The following ULK4 variants were observed in gnomAD, a reference collection of about 807,000 sequenced individuals.
The protein encoded by ULK4 is unc-51 like kinase 4, also known as inactive serine/threonine-protein kinase ULK4.
A neutral mutation model predicts 160.6 loss-of-function variants in ULK4; 133 were observed. The observed-to-expected ratio is 0.83, with a 90% CI of 0.72 to 0.96. The LOEUF is 0.96. Among genes scored for constraint, ULK4 ranks in the 40% least tolerant of loss-of-function variants. The pLI, the probability that ULK4 is intolerant of heterozygous loss-of-function variation, is 0.00. For missense variants in ULK4, 1,580 were observed against 1,499.5 expected, an observed-to-expected ratio of 1.05 and a Z score of -0.89; for synonymous variants, 534 against 539.8, an observed-to-expected ratio of 0.99 and a Z score of 0.15.
intron 34 of ULK4, among the ~76,000 whole-genome samples, chr3:41,434,988 C>T (rs900445980): frequency 2.0e-5 from 3 of 152,162 alleles, no homozygotes; most frequent in African/African-American, 7.2e-5. Flanking sequence ...CCTCCACATT[C>T]CAAACAGCTT....
chr3:41,707,782 G>A (rs190695712), intron 25 of ULK4, among the ~76,000 whole-genome samples: 86 of 151,802 alleles, frequency 5.7e-4, no homozygotes, highest in Non-Finnish European at 7.8e-4. Context: ...GGGCTATGAC[G>A]GTATCCCTGC....
At chr3:41,416,787 TTTAA>T (rs1429940649) in intron 34 of ULK4, among the ~76,000 whole-genome samples, 1 of 152,112 alleles carries the variant, frequency 6.6e-6, no homozygotes, top group Non-Finnish European at 1.5e-5. Context: ...ATGTACCTAC[TTTAA>T]TTACCCAGGA....
intron 30 of ULK4, among the ~76,000 whole-genome samples, chr3:41,629,839 AT>A (rs1468469689): frequency 2.1e-5 from 3 of 145,820 alleles, no homozygotes; most frequent in Non-Finnish European, 4.4e-5. Flanking sequence ...AAAAAAAAAA[AT>A]ATAAAAATTA....
chr3:41,364,079 G>A (rs1219961470), intron 35 of ULK4, among the ~76,000 whole-genome samples: 5 of 152,058 alleles, frequency 3.3e-5, no homozygotes, highest in Non-Finnish European at 5.9e-5. Context: ...CTACAGGCAT[G>A]CGCCACCACC....
chr3:41,536,006 C>T (rs946054618), intron 32 of ULK4, among the ~76,000 whole-genome samples: 2 of 152,210 alleles, frequency 1.3e-5, no homozygotes, highest in Non-Finnish European at 2.9e-5. Context: ...ATTCTCAGAT[C>T]ATCCCCCTCT....
At chr3:41,540,135 T>C (rs1482996236) in intron 32 of ULK4, among the ~76,000 whole-genome samples, 1 of 152,070 alleles carries the variant, frequency 6.6e-6, no homozygotes, top group South Asian at 2.1e-4. Context: ...TTTGTTACAT[T>C]TGCCATGGTG....
chr3:41,395,372 C>A (rs1488038625), intron 35 of ULK4, among the ~76,000 whole-genome samples: 1 of 151,946 alleles, frequency 6.6e-6, no homozygotes, highest in Admixed American at 6.6e-5. Flanking sequence ...AAAGGTGGAA[C>A]AACACAAATG....
intron 22 of ULK4, among the ~76,000 whole-genome samples, chr3:41,727,567 A>G (rs912377394): frequency 1.3e-5 from 2 of 152,238 alleles, no homozygotes; most frequent in African/African-American, 2.4e-5. Flanking sequence ...GCCACATGCA[A>G]CATCCCAAAG....
At chr3:41,649,064 T>C (rs2034629159) in intron 30 of ULK4, among the ~76,000 whole-genome samples, 1 of 151,212 alleles carries the variant, frequency 6.6e-6, no homozygotes, top group African/African-American at 2.4e-5. Flanking sequence ...GGATGCAGAG[T>C]TTACAGTGAG....
intron 31 of ULK4, among the ~76,000 whole-genome samples, chr3:41,601,186 G>T: frequency 6.6e-6 from 1 of 152,030 alleles, no homozygotes; most frequent in East Asian, 1.9e-4. Context: ...TATCAAATTA[G>T]GAAGAAGACA....
chr3:41,623,487 G>A (rs2033350659), intron 30 of ULK4, among the ~76,000 whole-genome samples: 1 of 152,150 alleles, frequency 6.6e-6, no homozygotes, highest in Admixed American at 6.5e-5. Context: ...CTGGGTGAAT[G>A]AATAGAAAAA....
intron 18 of ULK4, among the ~76,000 whole-genome samples, chr3:41,831,045 T>G (rs558295350): frequency 6.6e-6 from 1 of 151,828 alleles, no homozygotes; most frequent in South Asian, 2.1e-4. Context: ...GATTTATTTA[T>G]TAGACAGGGT....
At chr3:41,875,709 AAT>A (rs1697271948) in intron 17 of ULK4, among the ~76,000 whole-genome samples, 1 of 143,132 alleles carries the variant, frequency 7.0e-6, no homozygotes, top group Non-Finnish European at 1.5e-5. Flanking sequence ...ACATTTCCTG[AAT>A]GTTTTTTTTT....
chr3:41,696,032 C>A (rs1241440558), intron 27 of ULK4, among the ~76,000 whole-genome samples: 2 of 152,186 alleles, frequency 1.3e-5, no homozygotes, highest in African/African-American at 4.8e-5. Context: ...CGCCCGCTGC[C>A]AAGCGGACCG....
intron 25 of ULK4, among the ~76,000 whole-genome samples, chr3:41,707,427 A>G (rs1194008958): frequency 6.6e-6 from 1 of 152,180 alleles, no homozygotes; most frequent in Non-Finnish European, 1.5e-5. Context: ...TGAAGAGACA[A>G]CTTACGGAAT....
chr3:41,935,209 ATTTTTTTTTTTTTT>A (rs10524611), intron 4 of ULK4, among the ~76,000 whole-genome samples: 1 of 135,556 alleles, frequency 7.4e-6, no homozygotes. Context: ...TTATTTATTT[ATTTTTTTTTTTTTT>A]TTTTTTTTTT....
At chr3:41,844,777 T>G (rs1238856734) in intron 17 of ULK4, among the ~76,000 whole-genome samples, 1 of 123,664 alleles carries the variant, frequency 8.1e-6, no homozygotes, top group Non-Finnish European at 1.7e-5. Context: ...TCGGAAAACT[T>G]TGGAGGTTTT....
intron 31 of ULK4, among the ~76,000 whole-genome samples, chr3:41,615,335 G>A (rs2032908017): frequency 6.6e-6 from 1 of 152,196 alleles, no homozygotes; most frequent in African/African-American, 2.4e-5. Context: ...TCATACTGAA[G>A]TGTAGCAATA....
chr3:41,618,780 A>G (rs921871184), intron 30 of ULK4, among the ~76,000 whole-genome samples: 2 of 152,282 alleles, frequency 1.3e-5, no homozygotes, highest in African/African-American at 2.4e-5. Context: ...AACAATATTA[A>G]CCTTAAATGT....
Sources: allele counts gnomAD v4.1 joint callset (sites outside exome capture counted in the v4.1 genomes callset), GRCh38; gene constraint gnomAD v4.1.1; transcripts MANE v1.5; gene names NCBI Gene and HGNC (gene_info 2026-07-23, HGNC 2026-07-21).